Variants in ASAP1 observed in about 807,000 individuals in gnomAD.
ASAP1 encodes ArfGAP with SH3 domain, ankyrin repeat and PH domain 1, also known as arf-GAP with SH3 domain, ANK repeat and PH domain-containing protein 1.
A neutral mutation model predicts 145.2 loss-of-function variants in ASAP1; 43 were observed. The observed-to-expected ratio is 0.30, with a 90% CI of 0.23 to 0.38. ASAP1 has a LOEUF of 0.38. ASAP1 is among the 10% of genes least tolerant of loss of function. The probability of loss-of-function intolerance (pLI) is 1.00; values close to 1 mark genes in which losing one functional copy is unlikely to be tolerated. For synonymous variants in ASAP1, 546 were observed against 515.5 expected, an observed-to-expected ratio of 1.06 and a Z score of -0.80; for missense variants, 1,018 against 1,355.3, an observed-to-expected ratio of 0.75 and a Z score of 3.91.
At chr8:130,165,548 G>A (rs1277459286) in intron 11 of ASAP1, among the ~76,000 whole-genome samples, 1 of 152,184 alleles carries the variant, frequency 6.6e-6, no homozygotes, top group Non-Finnish European at 1.5e-5. Flanking sequence ...GAAGTCTACT[G>A]GGGGTCTAAT....
intron 1 of ASAP1, among the ~76,000 whole-genome samples, chr8:130,422,315 G>A (rs1829753447): frequency 6.6e-6 from 1 of 152,218 alleles, no homozygotes; most frequent in African/African-American, 2.4e-5. Flanking sequence ...GTCACCTGGT[G>A]AGGGTCCAGG....
At chr8:130,327,734 G>C (rs1824428158) in intron 3 of ASAP1, among the ~76,000 whole-genome samples, 1 of 152,168 alleles carries the variant, frequency 6.6e-6, no homozygotes, top group South Asian at 2.1e-4. Flanking sequence ...ACAGAAAGTA[G>C]CTTAGTAAAG....
At chr8:130,123,680 G>C (rs929239372) in intron 18 of ASAP1, among the ~76,000 whole-genome samples, 2 of 152,194 alleles carry the variant, frequency 1.3e-5, no homozygotes, top group Admixed American at 6.5e-5. Flanking sequence ...AGGCTGGAGT[G>C]CAGGGGTGCG....
intron 10 of ASAP1, among the ~76,000 whole-genome samples, 194 bp from the exon 11 acceptor site, chr8:130,167,816 T>A (rs1191827624): frequency 6.6e-6 from 1 of 152,262 alleles, no homozygotes; most frequent in Non-Finnish European, 1.5e-5. Flanking sequence ...AATTAGTGAA[T>A]AATGCAACAT....
chr8:130,243,111 G>A (rs1039203803), intron 3 of ASAP1, among the ~76,000 whole-genome samples: 2 of 152,050 alleles, frequency 1.3e-5, no homozygotes, highest in Admixed American at 6.6e-5. Context: ...CCAGCTGCAG[G>A]CCTCCTCACT....
chr8:130,078,305 C>CT (rs112436360), intron 26 of ASAP1, among the ~76,000 whole-genome samples: 2,664 of 151,218 alleles, frequency 0.018, 88 homozygotes, highest in African/African-American at 0.061. Context: ...CCTGCCAAAA[C>CT]TTTTTTTTTG....
intron 5 of ASAP1, among the ~76,000 whole-genome samples, chr8:130,194,784 G>A (rs1815369000): frequency 6.6e-6 from 1 of 152,134 alleles, no homozygotes; most frequent in Non-Finnish European, 1.5e-5. Flanking sequence ...AGGAGGTGGA[G>A]CTCAGGAGGT....
At chr8:130,390,799 A>G (rs1018030904) in intron 2 of ASAP1, among the ~76,000 whole-genome samples, 1 of 152,250 alleles carries the variant, frequency 6.6e-6, no homozygotes, top group Admixed American at 6.5e-5. Flanking sequence ...ATATGGAGAC[A>G]TGGGAACTCT....
In ASAP1 at chr8:130,250,121, T is replaced by C. The variant is rs114058069; in HGVS notation, c.187-13127A>G. ...GCAATTAAAAAGATAGGCCATAGTG[T>C]CAGGCTCAGATTCTAATTCCAGCCA... On this transcript the variant is annotated intron_variant, in intron 3 of 29. Transcript: ENST00000518721. Among the ~76,000 whole-genome samples the C allele has an allele frequency of 7.8e-3, 1,190 of 152,208 alleles. 18 individuals carry two copies. Among genetic ancestry groups the C allele is most frequent in the African/African-American group, 0.027 (1,137 of 41,528 alleles).
chr8:130,294,561 A>G (rs758131543), intron 3 of ASAP1, among the ~76,000 whole-genome samples: 2 of 152,238 alleles, frequency 1.3e-5, no homozygotes, highest in African/African-American at 2.4e-5. Flanking sequence ...ATGCAGTCAG[A>G]AAGATGAATG....
intron 5 of ASAP1, among the ~76,000 whole-genome samples, chr8:130,196,381 C>T (rs958565574): frequency 1.3e-5 from 2 of 151,784 alleles, no homozygotes; most frequent in African/African-American, 4.8e-5. Context: ...ACTGTACTAT[C>T]ATTTCTGGCT....
chr8:130,190,237 G>A (rs1165195815), intron 5 of ASAP1, among the ~76,000 whole-genome samples: 1 of 152,206 alleles, frequency 6.6e-6, no homozygotes, highest in Non-Finnish European at 1.5e-5. Context: ...AGAGCAATGT[G>A]CTGGAGAGTT....
intron 5 of ASAP1, among the ~76,000 whole-genome samples, chr8:130,192,618 T>C (rs1053329804): frequency 1.3e-5 from 2 of 152,294 alleles, no homozygotes; most frequent in East Asian, 3.9e-4. Flanking sequence ...CTGCCTTCAC[T>C]AGCCAAGCCA....
chr8:130,155,483 C>T (rs1044143861), intron 12 of ASAP1, among the ~76,000 whole-genome samples: 1 of 152,180 alleles, frequency 6.6e-6, no homozygotes, highest in Non-Finnish European at 1.5e-5. Context: ...ACTCCCACCT[C>T]GGCCTCCTGA....
chr8:130,067,087 A>C (rs2097432388), intron 27 of ASAP1, among the ~76,000 whole-genome samples: 1 of 152,206 alleles, frequency 6.6e-6, no homozygotes, highest in South Asian at 2.1e-4. Context: ...GCTCATTGAA[A>C]GCAAACTCAA....
chr8:130,152,685 C>T (rs764086577), intron 13 of ASAP1, 51 bp downstream of exon 13: 18 of 1,405,234 alleles, frequency 1.3e-5, no homozygotes, highest in Non-Finnish European at 1.7e-5. Flanking sequence ...AGTACATAAT[C>T]GTGTTTGCTT....
At chr8:130,370,659 T>C (rs1431282710) in intron 2 of ASAP1, among the ~76,000 whole-genome samples, 1 of 152,198 alleles carries the variant, frequency 6.6e-6, no homozygotes, top group Admixed American at 6.5e-5. Flanking sequence ...CAAACGTTCA[T>C]GAACAAACAA....
chr8:130,142,116 AC>A (rs1247171719), intron 13 of ASAP1, among the ~76,000 whole-genome samples: 1 of 152,212 alleles, frequency 6.6e-6, no homozygotes, highest in East Asian at 1.9e-4. Context: ...AGTTTCTTTT[AC>A]TAAGTGAAGA....
chr8:130,105,960 A>C (rs1333453479), intron 24 of ASAP1, among the ~76,000 whole-genome samples: 1 of 152,202 alleles, frequency 6.6e-6, no homozygotes, highest in Non-Finnish European at 1.5e-5. Context: ...ATTCTTTAAC[A>C]ATTAACTCAT....
Sources: allele counts gnomAD v4.1 joint callset (sites outside exome capture counted in the v4.1 genomes callset), GRCh38; gene constraint gnomAD v4.1.1; transcripts MANE v1.5; gene names NCBI Gene and HGNC (gene_info 2026-07-23, HGNC 2026-07-21).